Variants in ROBO1 observed in about 807,000 individuals in gnomAD.
The protein encoded by ROBO1 is roundabout guidance receptor 1, also known as roundabout homolog 1.
ROBO1 carries 149 observed loss-of-function variants against 195.9 expected under a neutral mutation model. The observed-to-expected ratio is 0.76, with a 90% CI of 0.67 to 0.87. The LOEUF is 0.87. Ranked by LOEUF, ROBO1 falls within the 40% of genes least tolerant of loss-of-function variation. The pLI, the probability that ROBO1 is intolerant of heterozygous loss-of-function variation, is 0.00. For synonymous variants in ROBO1, 816 were observed against 733.2 expected (o/e 1.11, Z -1.82); for missense variants, 1,933 against 2,068.3 (o/e 0.93, Z 1.27).
intron 1 of ROBO1, among the ~76,000 whole-genome samples, chr3:79,685,594 G>A (rs184602108): frequency 5.9e-5 from 9 of 152,286 alleles, no homozygotes; most frequent in Admixed American, 2.0e-4. Flanking sequence ...AAACAGGGCA[G>A]TTAATGAAAG....
At chr3:79,184,113 C>A (rs2081393791) in intron 2 of ROBO1, among the ~76,000 whole-genome samples, 1 of 152,018 alleles carries the variant, frequency 6.6e-6, no homozygotes, top group Non-Finnish European at 1.5e-5. Context: ...CCAGTGATGT[C>A]AAGGGGAAAA....
intron 4 of ROBO1, among the ~76,000 whole-genome samples, chr3:78,918,060 T>C (rs2038725508): frequency 6.6e-6 from 1 of 152,208 alleles, no homozygotes; most frequent in Non-Finnish European, 1.5e-5. Flanking sequence ...ACATATTAAC[T>C]GACGCTGAAT....
chr3:79,194,036 A>C (rs2081587968), intron 2 of ROBO1, among the ~76,000 whole-genome samples: 1 of 151,668 alleles, frequency 6.6e-6, no homozygotes, highest in Non-Finnish European at 1.5e-5. Flanking sequence ...AGCAGTAGCC[A>C]TCCAGTTTTA....
chr3:79,226,111 C>A (rs1253624519), intron 2 of ROBO1, among the ~76,000 whole-genome samples: 1 of 152,148 alleles, frequency 6.6e-6, no homozygotes, highest in African/African-American at 2.4e-5. Context: ...GTTCAAATCA[C>A]CACTCTTAAT....
intron 1 of ROBO1, among the ~76,000 whole-genome samples, chr3:79,749,324 T>C (rs548908499): frequency 5.3e-5 from 8 of 152,300 alleles, no homozygotes; most frequent in Non-Finnish European, 8.8e-5. Flanking sequence ...GTTAAAAGCA[T>C]TCAGTTTTAT....
rs528050488 is a variant in ROBO1 at position 78,938,167 on chromosome 3, A to T, written c.499+434T>A. The T allele has an allele frequency of 1.6e-4, 26 of 163,488 alleles. No individual in the cohort carries two copies. In the South Asian group the frequency reaches 4.3e-3, roughly 27 times the overall value. 10.1% of individuals were successfully genotyped at this position (163,488 alleles called of 1,614,324 possible). On this transcript the variant is annotated intron_variant, in intron 4 of 30. Transcript: ENST00000464233. ...TTCCCCATTCTCAGGAGGTCACCGT[A>T]CTGACACCAAACTTAGTTTGGACAC...
At chr3:79,220,830 G>A (rs569307238) in intron 2 of ROBO1, among the ~76,000 whole-genome samples, 34 of 152,020 alleles carry the variant, frequency 2.2e-4, no homozygotes, top group Admixed American at 9.9e-4. Context: ...TGTTCACTGC[G>A]GATCAGGATT....
chr3:79,575,174 A>C (rs994730979), intron 2 of ROBO1, among the ~76,000 whole-genome samples: 1 of 119,904 alleles, frequency 8.3e-6, no homozygotes, highest in Non-Finnish European at 1.8e-5. Flanking sequence ...AATATATATA[A>C]ATATATATAA....
chr3:79,000,231 A>G (rs2077467550), intron 3 of ROBO1, among the ~76,000 whole-genome samples: 1 of 152,098 alleles, frequency 6.6e-6, no homozygotes, highest in South Asian at 2.1e-4. Flanking sequence ...CAAAAGAGGA[A>G]AAGCCCCTTA....
At chr3:79,348,781 T>C (rs1371141970) in intron 2 of ROBO1, among the ~76,000 whole-genome samples, 1 of 152,208 alleles carries the variant, frequency 6.6e-6, no homozygotes, top group East Asian at 1.9e-4. Context: ...AAATTTTGTA[T>C]GCATAGGCAA....
intron 5 of ROBO1, among the ~76,000 whole-genome samples, chr3:78,722,556 G>A (rs146585441): frequency 6.6e-6 from 1 of 152,062 alleles, no homozygotes; most frequent in Non-Finnish European, 1.5e-5. Flanking sequence ...TGTAACAATA[G>A]CAGAGATATT....
At chr3:79,716,112 A>G (rs1357869086) in intron 1 of ROBO1, among the ~76,000 whole-genome samples, 4 of 152,054 alleles carry the variant, frequency 2.6e-5, no homozygotes, top group African/African-American at 7.2e-5. Context: ...CTGTAATAAA[A>G]CCAATCAATT....
chr3:79,283,035 T>G (rs1324792456), intron 2 of ROBO1, among the ~76,000 whole-genome samples: 3 of 152,352 alleles, frequency 2.0e-5, no homozygotes, highest in African/African-American at 7.2e-5. Context: ...TTGAAAATCT[T>G]GAACATGTGC....
chr3:79,595,833 A>G, intron 1 of ROBO1, among the ~76,000 whole-genome samples: 1 of 151,534 alleles, frequency 6.6e-6, no homozygotes, highest in Non-Finnish European at 1.5e-5. Flanking sequence ...GATTACAAGC[A>G]TGAGCCACTG....
At chr3:78,910,600 G>A (rs969805125) in intron 4 of ROBO1, among the ~76,000 whole-genome samples, 1 of 151,944 alleles carries the variant, frequency 6.6e-6, no homozygotes, top group Admixed American at 6.6e-5. Context: ...AGAGGATTAG[G>A]ATGGAGAGAA....
intron 4 of ROBO1, among the ~76,000 whole-genome samples, chr3:78,860,703 T>C (rs902344341): frequency 1.3e-5 from 2 of 152,080 alleles, no homozygotes; most frequent in Non-Finnish European, 2.9e-5. Flanking sequence ...CAGAGGTACA[T>C]TTTTAGCCCA....
intron 2 of ROBO1, among the ~76,000 whole-genome samples, chr3:79,309,543 C>T (rs1378195207): frequency 6.6e-6 from 1 of 151,988 alleles, no homozygotes; most frequent in Non-Finnish European, 1.5e-5. Flanking sequence ...AAGGTTGAGG[C>T]TACAGTAAGC....
chr3:79,458,410 T>G (rs1397315334), intron 2 of ROBO1, among the ~76,000 whole-genome samples: 1 of 152,172 alleles, frequency 6.6e-6, no homozygotes, highest in African/African-American at 2.4e-5. Flanking sequence ...CCAGCATGTC[T>G]TGTTCCACAA....
intron 3 of ROBO1, among the ~76,000 whole-genome samples, chr3:79,106,085 C>T (rs2079773929): frequency 6.6e-6 from 1 of 151,652 alleles, no homozygotes; most frequent in South Asian, 2.1e-4. Context: ...GGATATCTTG[C>T]TTAAAATCAA....
Sources: gnomAD v4.1 joint callset for allele counts (sites outside exome capture counted in the v4.1 genomes callset) on GRCh38, gnomAD v4.1.1 for gene constraint, MANE v1.5 for transcripts, NCBI Gene and HGNC (gene_info 2026-07-23, HGNC 2026-07-21) for gene names.